STAB2: variants seen among roughly 807,000 people sequenced by gnomAD.
The protein encoded by STAB2 is stabilin-2.
Under a neutral mutation model 338.1 loss-of-function variants are expected in STAB2, and 288 were observed. The ratio of observed to expected loss-of-function variants is 0.85; its 90% CI spans 0.77 to 0.94. The LOEUF (loss-of-function observed/expected upper bound fraction) is 0.94. Ranked by LOEUF, STAB2 falls within the 40% of genes least tolerant of loss-of-function variation. The probability of loss-of-function intolerance (pLI) is 0.00; values close to 1 mark genes in which losing one functional copy is unlikely to be tolerated. For synonymous variants in STAB2, 1,202 were observed against 1,193.3 expected (o/e 1.01, Z -0.15); for missense variants, 3,141 against 3,210.1 (o/e 0.98, Z 0.52).
chr12:103,652,848 A>G (rs933770092), intron 12 of STAB2, 143 bp downstream of exon 12: 8 of 963,498 alleles, frequency 8.3e-6, no homozygotes, highest in Non-Finnish European at 1.2e-5. Context: ...AACACCTTAT[A>G]TAGGAAGAAA....
rs1288719442 is a variant in STAB2 at position 103,749,054 on chromosome 12, G to A, written c.6336G>A (p.Lys2112=). 1 of 1,614,152 alleles carries A rather than the reference G, an allele frequency of 6.2e-7. No homozygotes were observed. Among genetic ancestry groups the A allele is most frequent in the Non-Finnish European group, 8.5e-7 (1 of 1,180,022 alleles). Reference sequence around the variant, plus strand: ...CGAAGGTCTCCTGCAGCTGCCAGAAGGGATACAAAGGGGACGGGCACAGCT... The same window carrying A: ...CGAAGGTCTCCTGCAGCTGCCAGAAAGGATACAAAGGGGACGGGCACAGCT... ...KGTKVSCSCQ[K]GYKGDGHSCT... Residue 2112 remains lysine, a synonymous_variant, in exon 59 of 69, where the codon AAG becomes AAA. Coordinates refer to ENST00000388887, the MANE Select transcript of STAB2 (RefSeq NM_017564.10).
intron 5 of STAB2, among the ~76,000 whole-genome samples, chr12:103,627,736 C>A (rs1430148639): frequency 6.6e-6 from 1 of 152,202 alleles, no homozygotes; most frequent in Non-Finnish European, 1.5e-5. Context: ...TACCACACAG[C>A]CAGGAGGGCA....
At chr12:103,738,512 A>G (rs1039600719) in intron 53 of STAB2, among the ~76,000 whole-genome samples, 4 of 152,234 alleles carry the variant, frequency 2.6e-5, no homozygotes, top group African/African-American at 9.6e-5. Flanking sequence ...GTTTGTCACC[A>G]GTTGATATCA....
Position 103,647,863 on chromosome 12 carries a change from T to G in STAB2, c.1041-827T>G, listed in dbSNP as rs116210200. 6.1e-3 allele frequency among the ~76,000 whole-genome samples: 924 copies of G among 152,372 alleles called. 8 individuals are homozygous for G. The highest frequency in any genetic ancestry group is 0.021 in the African/African-American group (880 of 41,586). ...TCTGTGATTTTCATTGTTTACATAT[T>G]TATTTCATAGTTTGTATATTTATTT... is the stretch of plus-strand genomic sequence containing the variant. On this transcript the variant is annotated intron_variant, in intron 9 of 68. Coordinates refer to ENST00000388887, the MANE Select transcript of STAB2 (RefSeq NM_017564.10).
chr12:103,661,498 G>T (rs1315291823), intron 17 of STAB2, among the ~76,000 whole-genome samples: 1 of 152,156 alleles, frequency 6.6e-6, no homozygotes, highest in Non-Finnish European at 1.5e-5. Flanking sequence ...AAAAGTCCCT[G>T]GTTGTATGGA....
At chr12:103,655,391 G>A in intron 14 of STAB2, 65 bp from the exon 15 acceptor site, 2 of 1,602,288 alleles carry the variant, frequency 1.2e-6, no homozygotes, top group Non-Finnish European at 1.7e-6. Context: ...TAAATTTCTG[G>A]CGAATTATGT....
rs146110900 is a variant in STAB2 at position 103,699,679 on chromosome 12, T to C, written c.3714+452T>C. ...CACAGCCAAACCATGTCAACTTCCA[T>C]ATTGGGATCATCTCACCAGTGCTTC... On this transcript the variant is annotated intron_variant, in intron 34 of 68. Transcript: ENST00000388887. Among the ~76,000 whole-genome samples, 339 of 152,308 alleles carry C rather than the reference T, an allele frequency of 2.2e-3. 2 individuals are homozygous for C. Among genetic ancestry groups the C allele is most frequent in the Non-Finnish European group, 3.6e-3 (247 of 68,022 alleles).
chr12:103,738,832 T>TA (rs1303315207), intron 53 of STAB2, among the ~76,000 whole-genome samples: 6 of 152,328 alleles, frequency 3.9e-5, no homozygotes, highest in African/African-American at 1.2e-4. Flanking sequence ...GCTAATAGCA[T>TA]ATGCCTGTAA....
At position 103,740,775 on chromosome 12, in the gene STAB2, C is replaced by G. The variant is rs376069922; in HGVS notation, c.5881+19C>G. On this transcript the variant is annotated intron_variant, in intron 55 of 68. Transcript: ENST00000388887. ...TGTCAGGGTGAGGGTGCCTCTTCCC[C>G]CCTCGCAACTCTAAAAGTGGTAATA... 399 of 1,554,384 alleles carry G rather than the reference C, an allele frequency of 2.6e-4. 1 individual carries two copies. Among genetic ancestry groups the G allele is most frequent in the Non-Finnish European group, 3.0e-4 (353 of 1,157,436 alleles).
At chr12:103,764,473 G>C (rs1884770077) in intron 68 of STAB2, among the ~76,000 whole-genome samples, 1 of 152,118 alleles carries the variant, frequency 6.6e-6, no homozygotes, top group Non-Finnish European at 1.5e-5. Context: ...CATCAATCCA[G>C]GGGGACCCCT....
intron 33 of STAB2, 114 bp downstream of exon 33, chr12:103,695,958 A>T (rs1878368228): frequency 5.1e-6 from 5 of 983,936 alleles, no homozygotes; most frequent in Non-Finnish European, 7.8e-6. Context: ...CCATAGCCAC[A>T]TACTTGACGT....
At chr12:103,719,895 C>T (rs1880621710) in intron 44 of STAB2, among the ~76,000 whole-genome samples, 1 of 152,190 alleles carries the variant, frequency 6.6e-6, no homozygotes, top group South Asian at 2.1e-4. Flanking sequence ...TCTTGGGGTG[C>T]TTATTCTTCC....
Position 103,704,563 on chromosome 12 carries a change from A to G in STAB2, c.3849A>G (p.Arg1283=). 6.2e-7 allele frequency: 1 copy of G among 1,613,636 alleles called. No individual in the cohort carries two copies. The highest frequency in any genetic ancestry group is 8.5e-7 in the Non-Finnish European group (1 of 1,179,838). ...TGCTTTTGTGTTTTACCAAGGGAAGATGTAGGACATGCTCCTCAGAGCTGA... is the reference window on the plus strand; with the variant it reads ...TGCTTTTGTGTTTTACCAAGGGAAGGTGTAGGACATGCTCCTCAGAGCTGA... ...DNNDTTIIRG[R]CRTCSSELTC... is the part of the protein sequence containing the mutation. The change falls in exon 36 of 69, where the codon AGA becomes AGG. Residue 1283 remains arginine (R), a synonymous_variant. Transcript: ENST00000388887.
chr12:103,625,310 T>G (rs1312502273), intron 5 of STAB2, among the ~76,000 whole-genome samples: 1 of 152,168 alleles, frequency 6.6e-6, no homozygotes, highest in African/African-American at 2.4e-5. Context: ...CCCTTCACAC[T>G]TAGTGTTGTG....
chr12:103,594,381 C>T lies in STAB2; in HGVS notation c.216-14C>T. 6.2e-7 allele frequency: 1 copy of T among 1,607,630 alleles called. No homozygotes were observed. The highest frequency in any genetic ancestry group is 2.2e-5 in the East Asian group (1 of 44,840). Reference sequence around the variant, plus strand: ...CTCTTATCGTGGGTTAATGTCCTCTCTTTACCCTCCAAGGTACACCTTTGA... The same window carrying T: ...CTCTTATCGTGGGTTAATGTCCTCTTTTTACCCTCCAAGGTACACCTTTGA... On this transcript the variant is annotated splice_polypyrimidine_tract_variant and intron_variant, in intron 2 of 68. Coordinates refer to ENST00000388887, the MANE Select transcript of STAB2 (RefSeq NM_017564.10).
At chr12:103,627,699 G>A (rs1029696943) in intron 5 of STAB2, among the ~76,000 whole-genome samples, 10 of 152,248 alleles carry the variant, frequency 6.6e-5, no homozygotes, top group African/African-American at 1.7e-4. Flanking sequence ...CATGAAGGGA[G>A]AGGCTCATGC....
chr12:103,753,197 G>T, intron 60 of STAB2, 23 bp from the exon 61 acceptor site: 1 of 1,612,850 alleles, frequency 6.2e-7, no homozygotes, highest in Non-Finnish European at 8.5e-7. Context: ...TGACCTGGGC[G>T]ATTCCTCCTC....
intron 60 of STAB2, among the ~76,000 whole-genome samples, chr12:103,752,983 C>G (rs1421297363): frequency 6.6e-6 from 1 of 152,104 alleles, no homozygotes; most frequent in African/African-American, 2.4e-5. Context: ...GTGGTTTTTG[C>G]TTATGTTTTT....
intron 33 of STAB2, among the ~76,000 whole-genome samples, chr12:103,697,085 T>C (rs527363081): frequency 6.6e-6 from 1 of 152,260 alleles, no homozygotes; most frequent in Admixed American, 6.5e-5. Context: ...TCCTAAATTA[T>C]CCCTATCCAC....
Sources: allele counts gnomAD v4.1 joint callset (sites outside exome capture counted in the v4.1 genomes callset), GRCh38; gene constraint gnomAD v4.1.1; transcripts MANE v1.5; gene names NCBI Gene and HGNC (gene_info 2026-07-23, HGNC 2026-07-21).